Variants in ARFIP1 observed in about 807,000 individuals in gnomAD.
ARFIP1 encodes the protein arfaptin-1.
A neutral mutation model predicts 42.5 loss-of-function variants in ARFIP1; 24 were observed. The observed-to-expected ratio is 0.57, with a 90% CI of 0.41 to 0.80. The LOEUF (loss-of-function observed/expected upper bound fraction) is 0.80. ARFIP1 is among the 30% of genes least tolerant of loss of function. ARFIP1 has a pLI of 0.00. For synonymous variants in ARFIP1, 141 were observed against 153.7 expected (o/e 0.92, Z 0.61); for missense variants, 354 against 434.0 (o/e 0.82, Z 1.64).
At chr4:152,787,253 G>T (rs917205440) in intron 1 of ARFIP1, among the ~76,000 whole-genome samples, 2 of 152,202 alleles carry the variant, frequency 1.3e-5, no homozygotes, top group African/African-American at 4.8e-5. Context: ...TAAAAATAGT[G>T]TTAAAATGGT....
chr4:152,881,512 A>T (rs1735846740), intron 6 of ARFIP1, among the ~76,000 whole-genome samples: 1 of 152,076 alleles, frequency 6.6e-6, no homozygotes. Flanking sequence ...AAGTTGTAAA[A>T]ATGTTGTTTT....
chr4:152,895,412 G>T (rs1239379362), intron 8 of ARFIP1, among the ~76,000 whole-genome samples: 1 of 152,124 alleles, frequency 6.6e-6, no homozygotes, highest in South Asian at 2.1e-4. Context: ...TTTGAGACAG[G>T]GTCTCACTGT....
At chr4:152,805,814 G>T (rs1177276731) in intron 1 of ARFIP1, among the ~76,000 whole-genome samples, 1 of 152,224 alleles carries the variant, frequency 6.6e-6, no homozygotes, top group African/African-American at 2.4e-5. Context: ...TTAGGAATTT[G>T]CCTAAGGTTC....
Position 152,870,833 on chromosome 4 carries a change from T to C in ARFIP1, c.283T>C (p.Leu95=), listed in dbSNP as rs1180392089. The change falls in exon 4 of 9, where the codon TTA becomes CTA. Residue 95 remains leucine (L), a synonymous_variant. Transcript: ENST00000353617. ...TCGACTGGCTCAGCAAGGAAGTGAT[T>C]TAATTGTTCCTGCAGGTATTCACTG... is the stretch of plus-strand genomic sequence containing the variant. ...ASRLAQQGSD[L]IVPAGGQRTQ... 1.2e-6 allele frequency: 2 copies of C among 1,613,254 alleles called. No homozygotes were observed. Among genetic ancestry groups the C allele is most frequent in the Non-Finnish European group, 1.7e-6 (2 of 1,179,260 alleles).
At chr4:152,822,774 A>G (rs565729576) in intron 1 of ARFIP1, among the ~76,000 whole-genome samples, 22 of 152,304 alleles carry the variant, frequency 1.4e-4, no homozygotes, top group African/African-American at 4.3e-4. Context: ...AAAACCATAC[A>G]TAGACATGGA....
intron 1 of ARFIP1, chr4:152,796,259 G>T: frequency 9.7e-7 from 1 of 1,032,616 alleles, no homozygotes; most frequent in Non-Finnish European, 1.5e-6. Flanking sequence ...ACCAAGTATT[G>T]GTAGGCAAAA....
intron 1 of ARFIP1, among the ~76,000 whole-genome samples, chr4:152,808,028 C>T (rs369003188): frequency 1.0e-3 from 156 of 152,128 alleles, no homozygotes; most frequent in East Asian, 5.0e-3. Context: ...TTGCCCAGGC[C>T]GGAGTGCAGT....
At chr4:152,881,470 C>A (rs369671234) in intron 6 of ARFIP1, among the ~76,000 whole-genome samples, 16 of 152,026 alleles carry the variant, frequency 1.1e-4, no homozygotes, top group African/African-American at 3.9e-4. Flanking sequence ...TCAAGGGTTA[C>A]TGTTGTAATA....
intron 2 of ARFIP1, among the ~76,000 whole-genome samples, chr4:152,860,568 A>G (rs1175803580): frequency 2.6e-5 from 4 of 152,322 alleles, no homozygotes; most frequent in Admixed American, 6.5e-5. Context: ...TACTTTACAC[A>G]CTGAAGTTGA....
chr4:152,872,759 A>G lies in ARFIP1; in HGVS notation c.411+195A>G, dbSNP rs915127543. Among the ~76,000 whole-genome samples the G allele has an allele frequency of 8.3e-4, 127 of 152,276 alleles. 1 individual carries two copies. The highest frequency in any genetic ancestry group is 2.9e-3 in the African/African-American group (122 of 41,584). ...GCATGTAATTTAAGAATTTAGTACA[A>G]AAGAGTAAAAAAGCTATTAAAATGC... On this transcript the variant is annotated intron_variant, in intron 5 of 8. Transcript: ENST00000353617.
chr4:152,846,006 G>A (rs1055849345), intron 2 of ARFIP1, among the ~76,000 whole-genome samples: 1 of 152,146 alleles, frequency 6.6e-6, no homozygotes, highest in East Asian at 1.9e-4. Flanking sequence ...TAAATACTGT[G>A]CAGCCATAAA....
rs200138068 is a variant in ARFIP1 at position 152,828,626 on chromosome 4, CT to C, written c.-9-996del. Among the ~76,000 whole-genome samples, 675 of 152,192 alleles carry C rather than the reference CT, an allele frequency of 4.4e-3. 4 individuals are homozygous for C. Among genetic ancestry groups the C allele is most frequent in the African/African-American group, 0.015 (633 of 41,532 alleles). Reference sequence around the variant, plus strand: ...TCTTTGTATATTTTAGATAACAGTCCTTTATCAGATGTGTTCTTTGCAAATA... The same window carrying C: ...TCTTTGTATATTTTAGATAACAGTCCTTATCAGATGTGTTCTTTGCAAATA... On this transcript the variant is annotated intron_variant, in intron 1 of 8. Coordinates refer to ENST00000353617, the MANE Select transcript of ARFIP1 (RefSeq NM_001025595.3).
chr4:152,878,080 TA>T (rs1299707885), intron 5 of ARFIP1, among the ~76,000 whole-genome samples: 3 of 152,240 alleles, frequency 2.0e-5, no homozygotes, highest in Non-Finnish European at 4.4e-5. Context: ...TGGTATTTTG[TA>T]CACTATCACT....
intron 2 of ARFIP1, among the ~76,000 whole-genome samples, chr4:152,838,352 A>T (rs1731816820): frequency 6.6e-6 from 1 of 151,988 alleles, no homozygotes; most frequent in African/African-American, 2.4e-5. Context: ...GACTTTGTAG[A>T]TTGCTTTTGG....
At chr4:152,828,500 T>G (rs939183901) in intron 1 of ARFIP1, among the ~76,000 whole-genome samples, 3 of 152,244 alleles carry the variant, frequency 2.0e-5, no homozygotes, top group African/African-American at 7.2e-5. Flanking sequence ...ACTAGCCACT[T>G]TACATTGTCT....
chr4:152,846,786 T>C (rs1204697163), intron 2 of ARFIP1, among the ~76,000 whole-genome samples: 1 of 152,216 alleles, frequency 6.6e-6, no homozygotes, highest in African/African-American at 2.4e-5. Context: ...TTTAAAATCT[T>C]ATAATGGCTT....
At chr4:152,871,942 A>G (rs974631417) in intron 4 of ARFIP1, among the ~76,000 whole-genome samples, 5 of 152,058 alleles carry the variant, frequency 3.3e-5, no homozygotes, top group African/African-American at 1.2e-4. Context: ...TTTAATGACT[A>G]TTTGAATTGA....
chr4:152,797,074 C>T (rs1010913960), intron 1 of ARFIP1, among the ~76,000 whole-genome samples: 7 of 152,128 alleles, frequency 4.6e-5, no homozygotes, highest in African/African-American at 1.7e-4. Flanking sequence ...CAGAATTCAT[C>T]CATTTTTTTC....
intron 8 of ARFIP1, among the ~76,000 whole-genome samples, chr4:152,898,768 G>A (rs1229212685): frequency 6.6e-6 from 1 of 152,170 alleles, no homozygotes; most frequent in African/African-American, 2.4e-5. Flanking sequence ...ATGTGCATAG[G>A]CAGGAAAGAG....
Sources: allele counts gnomAD v4.1 joint callset (sites outside exome capture counted in the v4.1 genomes callset), GRCh38; gene constraint gnomAD v4.1.1; transcripts MANE v1.5; gene names NCBI Gene and HGNC (gene_info 2026-07-23, HGNC 2026-07-21).